OSBPL1A: variants seen among roughly 807,000 people sequenced by gnomAD.
OSBPL1A encodes oxysterol-binding protein-related protein 1.
Under a neutral mutation model 137.1 loss-of-function variants are expected in OSBPL1A, and 80 were observed. The observed-to-expected ratio is 0.58, with a 90% CI of 0.49 to 0.70. The LOEUF (loss-of-function observed/expected upper bound fraction) is 0.70, where lower values mean the gene tolerates loss of function less well. Among genes scored for constraint, OSBPL1A ranks in the 30% least tolerant of loss-of-function variants. The pLI is 0.00. For synonymous variants in OSBPL1A, 365 were observed against 389.7 expected (o/e 0.94, Z 0.75); for missense variants, 970 against 1,129.4 (o/e 0.86, Z 2.02).
Position 24,224,253 on chromosome 18 carries a change from C to T in OSBPL1A, c.1601+789G>A, listed in dbSNP as rs537432940. Among the ~76,000 whole-genome samples the T allele has an allele frequency of 1.1e-4, 16 of 151,934 alleles. No homozygotes were observed. The South Asian group carries it at 3.3e-3, about 32-fold the overall frequency. ...AACCATTGTGGCCAGAATCATAGTACAGAAATGGAATTAGAGTTACACAAC... is the reference window on the plus strand; with the variant it reads ...AACCATTGTGGCCAGAATCATAGTATAGAAATGGAATTAGAGTTACACAAC... On this transcript the variant is annotated intron_variant, in intron 17 of 27. Coordinates refer to ENST00000319481, the MANE Select transcript of OSBPL1A (RefSeq NM_080597.4).
chr18:24,170,903 C>T (rs1038574122), intron 23 of OSBPL1A, among the ~76,000 whole-genome samples: 8 of 151,794 alleles, frequency 5.3e-5, no homozygotes, highest in Non-Finnish European at 1.0e-4. Context: ...CCCACTCAGC[C>T]TCCCAAAGTG....
At chr18:24,249,519 A>T (rs1262839389) in intron 15 of OSBPL1A, among the ~76,000 whole-genome samples, 2 of 152,222 alleles carry the variant, frequency 1.3e-5, no homozygotes, top group East Asian at 1.9e-4. Context: ...AGGAGGGTCC[A>T]ACAGACAGTC....
chr18:24,172,041 A>T (rs1308104843), intron 22 of OSBPL1A, among the ~76,000 whole-genome samples: 1 of 151,786 alleles, frequency 6.6e-6, no homozygotes, highest in Non-Finnish European at 1.5e-5. Context: ...CCTGGGTTCA[A>T]GCAATTCTCC....
intron 15 of OSBPL1A, among the ~76,000 whole-genome samples, chr18:24,266,845 T>C (rs1218202105): frequency 6.6e-6 from 1 of 150,984 alleles, no homozygotes; most frequent in African/African-American, 2.4e-5. Context: ...CAACTAGAAA[T>C]CCAGAAAGGA....
chr18:24,249,381 TCCTTTGTAC>T (rs1412046118), intron 15 of OSBPL1A, among the ~76,000 whole-genome samples: 2 of 152,338 alleles, frequency 1.3e-5, no homozygotes, highest in East Asian at 3.9e-4. Context: ...GAAGCTTACA[TCCTTTGTAC>T]CCCTCACAGG....
At chr18:24,246,510 G>A (rs2088891336) in intron 15 of OSBPL1A, among the ~76,000 whole-genome samples, 1 of 152,052 alleles carries the variant, frequency 6.6e-6, no homozygotes, top group Non-Finnish European at 1.5e-5. Context: ...GAAGATCCCA[G>A]GTGGGTGCAG....
intron 7 of OSBPL1A, among the ~76,000 whole-genome samples, chr18:24,326,372 G>A (rs2090980079): frequency 6.6e-6 from 1 of 152,194 alleles, no homozygotes; most frequent in South Asian, 2.1e-4. Context: ...ACATTGCCAG[G>A]AGGAGGCCTT....
chr18:24,359,318 C>T (rs965209231), intron 4 of OSBPL1A, among the ~76,000 whole-genome samples: 2 of 151,530 alleles, frequency 1.3e-5, no homozygotes, highest in African/African-American at 4.9e-5. Context: ...TAACTCCTGA[C>T]TTCAAGCGAT....
chr18:24,331,137 C>A (rs771512702), intron 7 of OSBPL1A, among the ~76,000 whole-genome samples: 3 of 152,142 alleles, frequency 2.0e-5, no homozygotes, highest in Non-Finnish European at 4.4e-5. Context: ...AAACATGCAG[C>A]CCTTCCCAGG....
chr18:24,341,234 T>A (rs970180835), intron 5 of OSBPL1A, among the ~76,000 whole-genome samples: 2 of 152,194 alleles, frequency 1.3e-5, no homozygotes, highest in East Asian at 1.9e-4. Flanking sequence ...CTAGAACTCC[T>A]AACCTCAAGT....
At chr18:24,391,560 C>CA (rs202011253) in intron 1 of OSBPL1A, among the ~76,000 whole-genome samples, 55,364 of 123,146 alleles carry the variant, frequency 0.45, 11,423 homozygotes, top group African/African-American at 0.53. Context: ...CCAGTCTCTA[C>CA]AAAAAAAAAA....
intron 15 of OSBPL1A, among the ~76,000 whole-genome samples, chr18:24,279,196 C>G (rs1281337074): frequency 2.7e-5 from 4 of 147,896 alleles, no homozygotes; most frequent in Non-Finnish European, 5.9e-5. Flanking sequence ...GGGCAGATGG[C>G]TTGCATCTAG....
At chr18:24,283,327 GAC>G (rs149819782) in intron 14 of OSBPL1A, among the ~76,000 whole-genome samples, 7 of 100,004 alleles carry the variant, frequency 7.0e-5, no homozygotes, top group African/African-American at 6.9e-5. Flanking sequence ...CACACACACA[GAC>G]ACACACACAC....
intron 1 of OSBPL1A, among the ~76,000 whole-genome samples, chr18:24,397,321 C>G (rs1599749868): frequency 6.6e-6 from 1 of 152,332 alleles, no homozygotes; most frequent in East Asian, 1.9e-4. Flanking sequence ...ACGAAAGTAC[C>G]GAGAAGGCAC....
At chr18:24,300,455 A>G (rs1021723100) in intron 14 of OSBPL1A, among the ~76,000 whole-genome samples, 1 of 152,218 alleles carries the variant, frequency 6.6e-6, no homozygotes, top group Non-Finnish European at 1.5e-5. Flanking sequence ...CAAAAAATTA[A>G]TCTGGCAGCA....
chr18:24,199,417 T>C (rs2145950218), intron 17 of OSBPL1A, among the ~76,000 whole-genome samples: 1 of 151,982 alleles, frequency 6.6e-6, no homozygotes, highest in South Asian at 2.1e-4. Flanking sequence ...CACTTCAGCC[T>C]GCTTCATCTT....
chr18:24,372,997 G>T (rs1568061602), intron 2 of OSBPL1A, among the ~76,000 whole-genome samples: 2 of 152,118 alleles, frequency 1.3e-5, no homozygotes, highest in African/African-American at 4.8e-5. Context: ...CCAAGAGGAG[G>T]TGGAGGTTGC....
At chr18:24,387,652 T>C (rs910707891) in intron 1 of OSBPL1A, among the ~76,000 whole-genome samples, 3 of 152,040 alleles carry the variant, frequency 2.0e-5, no homozygotes, top group African/African-American at 7.2e-5. Context: ...TGGGCTTAAG[T>C]GATTCTCTAT....
chr18:24,220,150 C>T (rs993615336), intron 17 of OSBPL1A, among the ~76,000 whole-genome samples: 20 of 152,376 alleles, frequency 1.3e-4, no homozygotes, highest in African/African-American at 4.3e-4. Context: ...CCACTGGCCT[C>T]TGATGACAGA....
Sources: gnomAD v4.1 joint callset for allele counts (sites outside exome capture counted in the v4.1 genomes callset) on GRCh38, gnomAD v4.1.1 for gene constraint, MANE v1.5 for transcripts, NCBI Gene and HGNC (gene_info 2026-07-23, HGNC 2026-07-21) for gene names.